PTPRD: variants seen among roughly 807,000 people sequenced by gnomAD.
PTPRD encodes the protein receptor-type tyrosine-protein phosphatase delta.
In PTPRD, 34 loss-of-function variants were observed where a neutral mutation model predicts 214.5. The ratio of observed to expected loss-of-function variants is 0.16; its 90% CI spans 0.12 to 0.21. PTPRD has a LOEUF of 0.21. Ranked by LOEUF, PTPRD falls within the 10% of genes least tolerant of loss-of-function variation. The pLI is 1.00. For missense variants in PTPRD, 2,545 were observed against 2,398.7 expected (o/e 1.06, Z -1.27); for synonymous variants, 1,128 against 845.7 (o/e 1.33, Z -5.79).
chr9:10,564,720 A>G (rs1053892258), intron 2 of PTPRD, among the ~76,000 whole-genome samples: 46 of 152,160 alleles, frequency 3.0e-4, no homozygotes, highest in African/African-American at 9.9e-4. Context: ...TTGCTGTTCT[A>G]GCCTTTCAAA....
chr9:9,287,004 C>CACT (rs1949685370), intron 9 of PTPRD, among the ~76,000 whole-genome samples: 1 of 145,326 alleles, frequency 6.9e-6, no homozygotes. Flanking sequence ...GCGGGCAGAT[C>CACT]ACTTGAGGTC....
chr9:8,631,698 TGCTGGAGTGTTAAAACTCCAGCAC>T (rs2096258446), intron 14 of PTPRD, among the ~76,000 whole-genome samples: 1 of 151,922 alleles, frequency 6.6e-6, no homozygotes, highest in South Asian at 2.1e-4. Context: ...GTATGTATCT[TGCTGGAGTGTTAAAACTCCAGCAC>T]TAAAGCATAA....
At chr9:10,514,184 A>G (rs1344144880) in intron 2 of PTPRD, among the ~76,000 whole-genome samples, 1 of 152,132 alleles carries the variant, frequency 6.6e-6, no homozygotes, top group Non-Finnish European at 1.5e-5. Flanking sequence ...ATCAATAAAT[A>G]CAAATTTATA....
chr9:9,083,292 G>C (rs2099761918), intron 10 of PTPRD, among the ~76,000 whole-genome samples: 1 of 152,020 alleles, frequency 6.6e-6, no homozygotes, highest in Non-Finnish European at 1.5e-5. Context: ...AGAAAAACAA[G>C]AATGGGGAAA....
intron 11 of PTPRD, among the ~76,000 whole-genome samples, chr9:9,014,813 C>G (rs1011679340): frequency 1.3e-5 from 2 of 152,040 alleles, no homozygotes; most frequent in African/African-American, 4.8e-5. Flanking sequence ...CATTGACACA[C>G]TTAAGACTCA....
chr9:8,782,667 G>A (rs781498760), intron 11 of PTPRD, among the ~76,000 whole-genome samples: 6 of 148,062 alleles, frequency 4.1e-5, no homozygotes, highest in Admixed American at 6.9e-5. Context: ...GCACAATCTC[G>A]GCTCACTGCA....
chr9:9,980,976 G>A (rs2154065688), intron 4 of PTPRD, among the ~76,000 whole-genome samples: 1 of 152,234 alleles, frequency 6.6e-6, no homozygotes, highest in East Asian at 1.9e-4. Context: ...TCATTCTGCA[G>A]AAAAGTCTCA....
intron 11 of PTPRD, among the ~76,000 whole-genome samples, chr9:9,002,316 G>A (rs999403003): frequency 2.0e-5 from 3 of 151,672 alleles, no homozygotes; most frequent in Admixed American, 6.6e-5. Context: ...GAAATGCAAC[G>A]TACAAATTAA....
chr9:9,697,532 C>A (rs574056843), intron 7 of PTPRD, among the ~76,000 whole-genome samples: 19 of 152,114 alleles, frequency 1.2e-4, no homozygotes, highest in East Asian at 5.8e-4. Flanking sequence ...TATATATTTT[C>A]TAATAAGAAG....
At chr9:9,982,498 G>C (rs897310899) in intron 4 of PTPRD, among the ~76,000 whole-genome samples, 1 of 151,394 alleles carries the variant, frequency 6.6e-6, no homozygotes, top group Non-Finnish European at 1.5e-5. Context: ...GTGTGTGTGT[G>C]TGTGTGTGTG....
chr9:9,219,896 G>C (rs2099954682), intron 9 of PTPRD, among the ~76,000 whole-genome samples: 1 of 152,180 alleles, frequency 6.6e-6, no homozygotes, highest in Non-Finnish European at 1.5e-5. Context: ...CTATGGTAAA[G>C]GGAAGCTTTT....
chr9:9,920,466 C>T (rs2082249571), intron 5 of PTPRD, among the ~76,000 whole-genome samples: 1 of 152,102 alleles, frequency 6.6e-6, no homozygotes, highest in Admixed American at 6.6e-5. Flanking sequence ...GCTTTAGCTT[C>T]ATTAAAGAAC....
chr9:9,433,701 A>T (rs1002328662), intron 8 of PTPRD, among the ~76,000 whole-genome samples: 1 of 152,214 alleles, frequency 6.6e-6, no homozygotes, highest in Admixed American at 6.5e-5. Flanking sequence ...CTGAAAAATC[A>T]TCTTCTTGAT....
At chr9:10,032,049 A>C (rs1462674393) in intron 4 of PTPRD, among the ~76,000 whole-genome samples, 2 of 152,078 alleles carry the variant, frequency 1.3e-5, no homozygotes, top group East Asian at 3.9e-4. Context: ...CTAGTTTTGG[A>C]GTTGAACTGA....
At chr9:10,236,999 A>G (rs2099631206) in intron 3 of PTPRD, among the ~76,000 whole-genome samples, 1 of 151,924 alleles carries the variant, frequency 6.6e-6, no homozygotes, top group Non-Finnish European at 1.5e-5. Flanking sequence ...TGTATGATAC[A>G]ATAATGTTAA....
chr9:10,065,297 T>A (rs2097857804), intron 3 of PTPRD, among the ~76,000 whole-genome samples: 1 of 151,996 alleles, frequency 6.6e-6, no homozygotes, highest in East Asian at 1.9e-4. Context: ...AGTTGCACGA[T>A]GTTAGTCAGT....
chr9:10,457,601 T>C (rs2098928044), intron 2 of PTPRD, among the ~76,000 whole-genome samples: 1 of 152,034 alleles, frequency 6.6e-6, no homozygotes, highest in Non-Finnish European at 1.5e-5. Context: ...CTGAAATCTC[T>C]AGGTGAACTA....
intron 9 of PTPRD, among the ~76,000 whole-genome samples, chr9:9,259,200 C>T (rs1040137525): frequency 2.6e-5 from 4 of 151,878 alleles, no homozygotes; most frequent in African/African-American, 9.7e-5. Flanking sequence ...GACTGCCAGA[C>T]ATGGGACTAG....
chr9:9,970,198 T>A (rs1402551420), intron 4 of PTPRD, among the ~76,000 whole-genome samples: 1 of 151,970 alleles, frequency 6.6e-6, no homozygotes, highest in East Asian at 1.9e-4. Context: ...TTAAAAGAAT[T>A]ACTTTACTTT....
Sources: allele counts gnomAD v4.1 joint callset (sites outside exome capture counted in the v4.1 genomes callset), GRCh38; gene constraint gnomAD v4.1.1; transcripts MANE v1.5; gene names NCBI Gene and HGNC (gene_info 2026-07-23, HGNC 2026-07-21).